Variants in KCNK2 observed in about 807,000 individuals in gnomAD.
The protein encoded by KCNK2 is potassium channel subfamily K member 2.
A neutral mutation model predicts 40.5 loss-of-function variants in KCNK2; 21 were observed. That is an observed-to-expected ratio of 0.52 (90% CI 0.37 to 0.75). The LOEUF is 0.75. Ranked by LOEUF, KCNK2 falls within the 30% of genes least tolerant of loss-of-function variation. KCNK2 has a pLI of 0.00. For missense variants in KCNK2, 399 were observed against 531.6 expected, an observed-to-expected ratio of 0.75 and a Z score of 2.45; for synonymous variants, 191 against 202.2, an observed-to-expected ratio of 0.94 and a Z score of 0.47.
intron 2 of KCNK2, among the ~76,000 whole-genome samples, chr1:215,111,652 A>G (rs1660688517): frequency 2.0e-5 from 3 of 151,962 alleles, no homozygotes. Flanking sequence ...TTGTTCATAC[A>G]TTATTTTTCT....
At chr1:215,022,125 A>ATCTG (rs75375037) in intron 1 of KCNK2, among the ~76,000 whole-genome samples, 1 of 120,652 alleles carries the variant, frequency 8.3e-6, no homozygotes, top group African/African-American at 2.6e-5. Flanking sequence ...CTATCTATCT[A>ATCTG]TCTAATCATC....
At chr1:215,058,898 A>C (rs1658259909) in intron 1 of KCNK2, among the ~76,000 whole-genome samples, 1 of 151,562 alleles carries the variant, frequency 6.6e-6, no homozygotes, top group South Asian at 2.1e-4. Flanking sequence ...CTTAGAAGTC[A>C]CTCTCTGAGG....
chr1:215,129,838 A>G (rs1661590471), intron 3 of KCNK2, among the ~76,000 whole-genome samples: 1 of 152,210 alleles, frequency 6.6e-6, no homozygotes, highest in South Asian at 2.1e-4. Context: ...GCATGATGTG[A>G]TGCTGGCTGT....
At chr1:215,106,368 G>C (rs985629010) in intron 2 of KCNK2, among the ~76,000 whole-genome samples, 1 of 151,990 alleles carries the variant, frequency 6.6e-6, no homozygotes, top group East Asian at 1.9e-4. Flanking sequence ...TTGTATGTTT[G>C]TTGGTCCCTT....
chr1:215,114,727 T>G (rs1453725154), intron 2 of KCNK2, among the ~76,000 whole-genome samples: 1 of 152,182 alleles, frequency 6.6e-6, no homozygotes, highest in Non-Finnish European at 1.5e-5. Context: ...CTGCATAATG[T>G]TAGCAAGTCA....
chr1:215,136,506 CT>C (rs1661923108), intron 3 of KCNK2, among the ~76,000 whole-genome samples: 1 of 152,128 alleles, frequency 6.6e-6, no homozygotes, highest in African/African-American at 2.4e-5. Context: ...AATCTATGCT[CT>C]TATATTAGTT....
chr1:215,019,536 C>T (rs1434540710), intron 1 of KCNK2, among the ~76,000 whole-genome samples: 1 of 152,164 alleles, frequency 6.6e-6, no homozygotes, highest in African/African-American at 2.4e-5. Context: ...TGTCTATGCG[C>T]TCATGGTTGT....
intron 3 of KCNK2, among the ~76,000 whole-genome samples, chr1:215,144,454 A>C (rs887913608): frequency 6.6e-6 from 1 of 152,140 alleles, no homozygotes; most frequent in Non-Finnish European, 1.5e-5. Flanking sequence ...GACAGACAGT[A>C]GTTGATGAGT....
rs776924126 is a variant in KCNK2, at chr1:215,180,336, G to A, written c.823+8153G>A. ...ACTTGTCCCTCTGTGCCTTTTAAGC[G>A]AGGGCATTTAGACCATTTACATTCA... On this transcript the variant is annotated intron_variant, in intron 5 of 6. Coordinates refer to ENST00000444842, the MANE Select transcript of KCNK2 (RefSeq NM_001017425.3). 1.1e-4 allele frequency among the ~76,000 whole-genome samples: 16 copies of A among 152,068 alleles called. No individual in the cohort carries two copies. In the East Asian group the frequency reaches 2.3e-3, roughly 22 times the overall value.
chr1:215,233,440 C>A (rs1666753123), intron 6 of KCNK2, among the ~76,000 whole-genome samples: 1 of 135,856 alleles, frequency 7.4e-6, no homozygotes, highest in African/African-American at 2.8e-5. Flanking sequence ...AGTTTCATTT[C>A]TGTTTTTGAG....
chr1:215,211,904 CTG>C (rs1007063934), intron 6 of KCNK2, among the ~76,000 whole-genome samples: 83 of 152,192 alleles, frequency 5.5e-4, no homozygotes, highest in African/African-American at 1.9e-3. Context: ...TAGAACCAAA[CTG>C]TACTTATTTT....
At chr1:215,133,526 C>T (rs1023931790) in intron 3 of KCNK2, among the ~76,000 whole-genome samples, 9 of 151,740 alleles carry the variant, frequency 5.9e-5, no homozygotes, top group Non-Finnish European at 1.2e-4. Flanking sequence ...CTATGTGTCT[C>T]GGGTGTTTTG....
chr1:215,158,525 T>C (rs1663031364), intron 3 of KCNK2, among the ~76,000 whole-genome samples: 1 of 152,138 alleles, frequency 6.6e-6, no homozygotes, highest in Non-Finnish European at 1.5e-5. Flanking sequence ...ATTAAAACAG[T>C]AAAGCCTATT....
intron 6 of KCNK2, among the ~76,000 whole-genome samples, chr1:215,207,176 G>T (rs965204460): frequency 5.9e-5 from 9 of 152,158 alleles, no homozygotes; most frequent in Admixed American, 5.2e-4. Flanking sequence ...ACCAGTACTG[G>T]TCCATGGTCT....
At chr1:215,117,731 C>T (rs1212520823) in intron 2 of KCNK2, among the ~76,000 whole-genome samples, 1 of 152,032 alleles carries the variant, frequency 6.6e-6, no homozygotes. Context: ...TTGTTTGCTT[C>T]CTTGTTCGGT....
intron 2 of KCNK2, among the ~76,000 whole-genome samples, chr1:215,087,908 A>G (rs1432822775): frequency 1.3e-5 from 2 of 152,302 alleles, no homozygotes; most frequent in Non-Finnish European, 2.9e-5. Context: ...TTATTGAAAG[A>G]TATCAAAACT....
rs565266069 is a variant in KCNK2 at position 215,019,000 on chromosome 1, A to C, written c.34+13045A>C. On this transcript the variant is annotated intron_variant, in intron 1 of 6. Coordinates refer to the KCNK2 transcript ENST00000391895. Reference sequence around the variant, plus strand: ...CTCTCTCAACACACACACACACACAAAAAAAAAACCATCTAAGAAAGACCC... The same window carrying C: ...CTCTCTCAACACACACACACACACACAAAAAAAACCATCTAAGAAAGACCC... Among the ~76,000 whole-genome samples, 652 of 24,814 alleles carry C rather than the reference A, an allele frequency of 0.026. 1 individual carries two copies. In the East Asian group the frequency reaches 0.26, roughly 10 times the overall value. The allele number at this position is 24,814 out of a possible 152,430, so 16.3% of individuals were successfully genotyped here. A position where few individuals can be genotyped will look rare whatever the true frequency, so the allele number is the denominator to read the frequency against.
chr1:215,193,661 A>G (rs1189758112), intron 5 of KCNK2, among the ~76,000 whole-genome samples: 2 of 152,126 alleles, frequency 1.3e-5, no homozygotes, highest in Non-Finnish European at 2.9e-5. Flanking sequence ...TTCCCTGTCA[A>G]TTTGTTCTTC....
chr1:215,130,407 G>A (rs1222986810), intron 3 of KCNK2, among the ~76,000 whole-genome samples: 1 of 152,124 alleles, frequency 6.6e-6, no homozygotes, highest in Admixed American at 6.5e-5. Context: ...ATGATAGACA[G>A]CATTAGTAAG....
Sources: gnomAD v4.1 joint callset for allele counts (sites outside exome capture counted in the v4.1 genomes callset) on GRCh38, gnomAD v4.1.1 for gene constraint, MANE v1.5 for transcripts, NCBI Gene and HGNC (gene_info 2026-07-23, HGNC 2026-07-21) for gene names.